Variants in SERPINF2 observed in about 807,000 individuals in gnomAD.
SERPINF2 encodes alpha-2-antiplasmin.
A neutral mutation model predicts 45.0 loss-of-function variants in SERPINF2; 15 were observed. The observed-to-expected ratio is 0.33, with a 90% CI of 0.22 to 0.51. The LOEUF (loss-of-function observed/expected upper bound fraction) is 0.51. Ranked by LOEUF, SERPINF2 falls within the 20% of genes least tolerant of loss-of-function variation. SERPINF2 has a pLI of 0.97. For synonymous variants in SERPINF2, 283 were observed against 277.9 expected (o/e 1.02, Z -0.18); for missense variants, 518 against 637.4 (o/e 0.81, Z 2.02).
intron 1 of SERPINF2, chr17:1,743,114 G>C (rs1905441571): frequency 1.0e-6 from 1 of 983,498 alleles, no homozygotes; most frequent in Non-Finnish European, 1.2e-6. Context: ...TCTTGTGTGG[G>C]ATGGGGGTGG....
intron 8 of SERPINF2, among the ~76,000 whole-genome samples, chr17:1,749,838 C>G (rs1175710963): frequency 6.6e-6 from 1 of 152,076 alleles, no homozygotes. Context: ...ACCCCACGGC[C>G]ATGTAGCCAC....
intron 7 of SERPINF2, 29 bp from the exon 8 acceptor site, chr17:1,748,569 C>T (rs370032605): frequency 2.7e-5 from 43 of 1,610,756 alleles, no homozygotes; most frequent in African/African-American, 4.0e-5. Context: ...TCCCCGTCGA[C>T]GTGACCCCTG....
chr17:1,744,629 G>T (rs964115510), intron 1 of SERPINF2: 1 of 985,326 alleles, frequency 1.0e-6, no homozygotes, highest in Non-Finnish European at 1.2e-6. Flanking sequence ...AAATGCCGAG[G>T]TCCTTTGGCA....
rs192798080 is a variant in SERPINF2 at position 1,754,005 on chromosome 17, C to A, written c.1064-117C>A. The A allele has an allele frequency of 5.6e-4, 656 of 1,162,374 alleles. 2 individuals are homozygous for A. The African/African-American group carries it at 5.8e-3, about 10-fold the overall frequency. The allele number at this position is 1,162,374 out of a possible 1,614,324, so 72.0% of individuals were successfully genotyped here. On this transcript the variant is annotated intron_variant, in intron 9 of 9. Transcript: ENST00000453066. ...TCTTGGAAACCGGATAGGAATGAAG[C>A]AGGTATCTGTGAGTTCAAGCTGTTC...
In SERPINF2 at chr17:1,745,004, G is replaced by C; in HGVS notation, c.9G>C (p.Leu3=). MA[L]LWGLLVLSWS... ...GTCCCTGCCACAGGAACATGGCGCTGCTCTGGGGGCTCCTGGTGCTCAGCT... is the reference window on the plus strand; with the variant it reads ...GTCCCTGCCACAGGAACATGGCGCTCCTCTGGGGGCTCCTGGTGCTCAGCT... The change falls in exon 2 of 10, where the codon CTG becomes CTC. Residue 3 remains leucine, a synonymous_variant. Coordinates refer to ENST00000453066, the MANE Select transcript of SERPINF2 (RefSeq NM_000934.4). The surrounding 1 kb of genome is among the most constrained non-coding windows in gnomAD (Gnocchi z 6.2). 6.2e-7 allele frequency: 1 copy of C among 1,613,838 alleles called. No homozygotes were observed. Among genetic ancestry groups the C allele is most frequent in the Admixed American group, 1.7e-5 (1 of 60,006 alleles).
intron 8 of SERPINF2, among the ~76,000 whole-genome samples, chr17:1,750,163 T>A (rs558688209): frequency 6.6e-6 from 1 of 151,960 alleles, no homozygotes; most frequent in African/African-American, 2.4e-5. Flanking sequence ...GTTTGTTTGT[T>A]TTTGAGACGG....
chr17:1,747,937 T>G (rs567301436), intron 7 of SERPINF2, among the ~76,000 whole-genome samples: 171 of 149,856 alleles, frequency 1.1e-3, no homozygotes, highest in Non-Finnish European at 2.1e-3. Flanking sequence ...CTGGGTGTGG[T>G]GGGGATGGGT....
At chr17:1,748,470 G>A (rs1210985900) in intron 7 of SERPINF2, 128 bp from the exon 8 acceptor site, 2 of 1,208,098 alleles carry the variant, frequency 1.7e-6, no homozygotes, top group Non-Finnish European at 2.4e-6. Context: ...ATCCTTGAAT[G>A]GATTCTGGGT....
In SERPINF2 at chr17:1,754,559, G is replaced by A; in HGVS notation, c.*25G>A. The A allele has an allele frequency of 6.3e-7, 1 of 1,599,280 alleles. No individual in the cohort carries two copies. Among genetic ancestry groups the A allele is most frequent in the Non-Finnish European group, 8.5e-7 (1 of 1,178,182 alleles). ...AGGGGCCGTGGCTGTGGCATCCAGA[G>A]TCCCTGCCTGGACCAGCCTCTCCAC... On this transcript the variant is annotated 3_prime_UTR_variant, in exon 10 of 10. Transcript: ENST00000453066.
Position 1,745,893 on chromosome 17 carries a change from G to C in SERPINF2, c.351G>C (p.Leu117=). 1 of 1,614,066 alleles carries C rather than the reference G, an allele frequency of 6.2e-7. No individual in the cohort carries two copies. The highest frequency in any genetic ancestry group is 8.5e-7 in the Non-Finnish European group (1 of 1,180,036). The change falls in exon 5 of 10, where the codon CTG becomes CTC. Residue 117 remains leucine (L), a synonymous_variant. Coordinates refer to ENST00000453066, the MANE Select transcript of SERPINF2 (RefSeq NM_000934.4). This position sits in a 1 kb window ranked among gnomAD's most constrained non-coding sequence, Gnocchi z 6.2. ...CACCCCTGAGTGTGGCCCTGGCGCT[G>C]TCTCACCTGGCACTAGGTACCCTGG... ...ILSPLSVALA[L]SHLALGAQNH...
chr17:1,746,760 C>G (rs540134706), intron 5 of SERPINF2, among the ~76,000 whole-genome samples: 21 of 152,164 alleles, frequency 1.4e-4, no homozygotes, highest in African/African-American at 4.6e-4. Context: ...AGTTTGCTAG[C>G]TACACTCTTT....
Position 1,745,846 on chromosome 17 carries a change from A to G in SERPINF2, c.304A>G (p.Thr102Ala), listed in dbSNP as rs772451170. The G allele has an allele frequency of 6.2e-7, 1 of 1,613,904 alleles. No individual in the cohort carries two copies. Residue 102 changes from threonine to alanine, a missense_variant, in exon 5 of 10, where the codon ACC (threonine) becomes GCC (alanine). This residue lies in a region of SERPINF2 where 435 missense variants were observed against 577.3 expected (regional missense o/e 0.75). Transcript: ENST00000453066. The surrounding 1 kb of genome is among the most constrained non-coding windows in gnomAD (Gnocchi z 6.2). ...GTTCTCCCTGGTGGCTCAAACGTCC[A>G]CCTGCCCCAACCTCATCCTGTCACC... is the stretch of plus-strand genomic sequence containing the variant. The part of the protein sequence containing the change: ...DLFSLVAQTS[T>A]CPNLILSPLS...
In SERPINF2 at chr17:1,754,414, C is replaced by A; in HGVS notation, c.1356C>A (p.Gly452=). The A allele has an allele frequency of 2.5e-6, 4 of 1,613,230 alleles. No homozygotes were observed. Among genetic ancestry groups the A allele is most frequent in the Non-Finnish European group, 3.4e-6 (4 of 1,179,316 alleles). Residue 452 remains glycine (G), a synonymous_variant, in exon 10 of 10, where the codon GGC becomes GGA. Transcript: ENST00000453066. ...RELKEQQDSP[G]NKDFLQSLKG... ...TCAAGGAACAGCAGGATTCCCCGGGCAACAAGGACTTCCTCCAGAGCCTGA... is the reference window on the plus strand; with the variant it reads ...TCAAGGAACAGCAGGATTCCCCGGGAAACAAGGACTTCCTCCAGAGCCTGA...
rs1906738428 is a variant in SERPINF2 at position 1,755,072 on chromosome 17, C to G, written c.*538C>G. On this transcript the variant is annotated 3_prime_UTR_variant, in exon 10 of 10. Coordinates refer to ENST00000453066, the MANE Select transcript of SERPINF2 (RefSeq NM_000934.4). This position sits in a 1 kb window ranked among gnomAD's most constrained non-coding sequence, Gnocchi z 4.2. ...TCAGCCTCCATCCTACCCCCTGTGC[C>G]TTGTCACGCCAGACTTCCCACGGCT... 1 of 156,916 alleles carries G rather than the reference C, an allele frequency of 6.4e-6. No homozygotes were observed. The highest frequency in any genetic ancestry group is 2.4e-5 in the African/African-American group (1 of 41,572). The allele number at this position is 156,916 out of a possible 1,614,324, so 9.7% of individuals were successfully genotyped here.
chr17:1,745,738 C>T lies in SERPINF2; in HGVS notation c.196C>T (p.Pro66Ser), dbSNP rs772959548. The T allele has an allele frequency of 1.9e-6, 3 of 1,613,834 alleles. No homozygotes were observed. The South Asian group carries it at 3.3e-5, about 18-fold the overall frequency. The change falls in exon 5 of 10, where the codon CCC becomes TCC. Residue 66 changes from proline to serine, a missense_variant. Coordinates refer to ENST00000453066, the MANE Select transcript of SERPINF2 (RefSeq NM_000934.4). This position sits in a 1 kb window ranked among gnomAD's most constrained non-coding sequence, Gnocchi z 6.2. Reference sequence around the variant, plus strand: ...TGGTGGCCAGACTGCCCTGAAGAGTCCCCCAGGAGTCTGCAGCAGAGACCC... The same window carrying T: ...TGGTGGCCAGACTGCCCTGAAGAGTTCCCCAGGAGTCTGCAGCAGAGACCC... ...EPGGQTALKS[P>S]PGVCSRDPTP...
At chr17:1,754,052 C>T in intron 9 of SERPINF2, 70 bp from the exon 10 acceptor site, 1 of 1,569,610 alleles carries the variant, frequency 6.4e-7, no homozygotes, top group South Asian at 1.1e-5. Context: ...TCTCAGACAC[C>T]CTCCCAAGCA....
intron 9 of SERPINF2, among the ~76,000 whole-genome samples, chr17:1,753,854 A>G (rs1202559106): frequency 6.6e-6 from 1 of 152,250 alleles, no homozygotes; most frequent in African/African-American, 2.4e-5. Flanking sequence ...TTACTACAGC[A>G]TAAGCGATAA....
At position 1,754,443 on chromosome 17, in the gene SERPINF2, G is replaced by T. The variant is rs371013906; in HGVS notation, c.1385G>T (p.Gly462Val). 30 of 1,610,318 alleles carry T rather than the reference G, an allele frequency of 1.9e-5. No individual in the cohort carries two copies. The highest frequency in any genetic ancestry group is 3.3e-4 in the Middle Eastern group (2 of 6,074). The change falls in exon 10 of 10, where the codon GGC (glycine) becomes GTC (valine). Residue 462 changes from glycine to valine, a missense_variant. This residue lies in a region of SERPINF2 where 83 missense variants were observed against 60.0 expected (regional missense o/e 1.38). Coordinates refer to ENST00000453066, the MANE Select transcript of SERPINF2 (RefSeq NM_000934.4). ...GNKDFLQSLK[G>V]FPRGDKLFGP... ...AAGGACTTCCTCCAGAGCCTGAAAG[G>T]CTTCCCCCGCGGAGACAAGCTTTTC...
chr17:1,748,027 C>T (rs935343882), intron 7 of SERPINF2, among the ~76,000 whole-genome samples: 9 of 147,840 alleles, frequency 6.1e-5, no homozygotes, highest in Non-Finnish European at 9.0e-5. Context: ...GGGCTGGGCG[C>T]GGTGGCTCAC....
Sources: allele counts gnomAD v4.1 joint callset (sites outside exome capture counted in the v4.1 genomes callset), GRCh38; gene constraint gnomAD v4.1.1; regional missense constraint gnomAD v4.1.1; non-coding constraint Gnocchi (gnomAD v3.1); transcripts MANE v1.5; gene names NCBI Gene and HGNC (gene_info 2026-07-23, HGNC 2026-07-21).